LRCH1: variants seen among roughly 807,000 people sequenced by gnomAD.
The protein encoded by LRCH1 is leucine rich repeats and calponin homology domain containing 1.
Under a neutral mutation model 94.9 loss-of-function variants are expected in LRCH1, and 23 were observed. The ratio of observed to expected loss-of-function variants is 0.24; its 90% CI spans 0.17 to 0.34. The LOEUF (loss-of-function observed/expected upper bound fraction) is 0.34, where lower values mean the gene tolerates loss of function less well. LRCH1 is among the 10% of genes least tolerant of loss of function. LRCH1 has a pLI of 1.00. For missense variants in LRCH1, 790 were observed against 945.9 expected, an observed-to-expected ratio of 0.84 and a Z score of 2.16; for synonymous variants, 364 against 354.9, an observed-to-expected ratio of 1.03 and a Z score of -0.29.
At position 46,728,927 on chromosome 13, in the gene LRCH1, G is replaced by A. The variant is rs1872963299; in HGVS notation, c.1950G>A (p.Leu650=). ...ALMDGVVLCH[L]VNHIRPRSVA... is the part of the protein sequence containing the mutation. ...TGGATGGTGTCGTCCTCTGCCATCTGGTCAACCACATCCGCCCACGGTCGG... is the reference window on the plus strand; with the variant it reads ...TGGATGGTGTCGTCCTCTGCCATCTAGTCAACCACATCCGCCCACGGTCGG... The change falls in exon 18 of 20, where the codon CTG becomes CTA. Residue 650 remains leucine, a synonymous_variant. Coordinates refer to ENST00000389797, the MANE Select transcript of LRCH1 (RefSeq NM_001164211.2). 1 of 1,613,526 alleles carries A rather than the reference G, an allele frequency of 6.2e-7. No individual in the cohort carries two copies. Among genetic ancestry groups the A allele is most frequent in the African/African-American group, 1.3e-5 (1 of 74,876 alleles).
intron 1 of LRCH1, among the ~76,000 whole-genome samples, chr13:46,556,275 A>G (rs963561462): frequency 2.0e-5 from 3 of 152,218 alleles, no homozygotes; most frequent in Non-Finnish European, 4.4e-5. Flanking sequence ...CACCTGGGCA[A>G]TATAGCCCAT....
chr13:46,715,530 A>G (rs1297205552), intron 15 of LRCH1, 30 bp from the exon 16 acceptor site: 2 of 1,323,134 alleles, frequency 1.5e-6, no homozygotes, highest in African/African-American at 2.9e-5. Context: ...GTGCAACTGT[A>G]CGCGGACTGG....
At position 46,712,543 on chromosome 13, in the gene LRCH1, G is replaced by A; in HGVS notation, c.1600G>A (p.Ala534Thr). 1 of 1,613,722 alleles carries A rather than the reference G, an allele frequency of 6.2e-7. No individual in the cohort carries two copies. The change falls in exon 15 of 20, where the codon GCA becomes ACA. Residue 534 changes from alanine (A) to threonine (T), a missense_variant. Physicochemically the swap from Ala to Thr is moderately conservative, Grantham distance 58. This residue lies in a region of LRCH1 where 460 missense variants were observed against 508.9 expected (regional missense o/e 0.90). Transcript: ENST00000389797. ...SPNEIRENSP[A>T]VSPTTNSTAP... ...ACCACAGATTAGAGAGAACTCCCCT[G>A]CAGTCTCTCCTACCACAAACAGCAC...
At chr13:46,728,299 T>G (rs1205857311) in intron 17 of LRCH1, among the ~76,000 whole-genome samples, 1 of 152,048 alleles carries the variant, frequency 6.6e-6, no homozygotes, top group Non-Finnish European at 1.5e-5. Context: ...CACTGCAACC[T>G]CCGCCTCCTG....
intron 1 of LRCH1, among the ~76,000 whole-genome samples, chr13:46,587,943 T>G (rs1376613219): frequency 6.6e-6 from 1 of 152,202 alleles, no homozygotes; most frequent in African/African-American, 2.4e-5. Context: ...TGTGGTACCA[T>G]AGAGTATGTA....
intron 2 of LRCH1, among the ~76,000 whole-genome samples, chr13:46,663,444 G>A (rs1593334811): frequency 6.6e-6 from 1 of 152,138 alleles, no homozygotes; most frequent in African/African-American, 2.4e-5. Flanking sequence ...GGGGGAACCA[G>A]GGTGAGACAT....
intron 1 of LRCH1, among the ~76,000 whole-genome samples, chr13:46,567,784 G>A (rs1022800383): frequency 6.6e-6 from 1 of 152,098 alleles, no homozygotes; most frequent in Non-Finnish European, 1.5e-5. Flanking sequence ...TTCCTCCCCT[G>A]CACAGGCTAA....
chr13:46,689,956 G>A (rs1201511859), intron 7 of LRCH1, among the ~76,000 whole-genome samples: 1 of 151,914 alleles, frequency 6.6e-6, no homozygotes, highest in African/African-American at 2.4e-5. Context: ...TTCTTTTTTT[G>A]AGGGAAGTTA....
chr13:46,675,323 A>G (rs1199320696), intron 3 of LRCH1, among the ~76,000 whole-genome samples: 1 of 152,198 alleles, frequency 6.6e-6, no homozygotes, highest in Non-Finnish European at 1.5e-5. Flanking sequence ...GGTTCCCTGT[A>G]CATGGTGACA....
chr13:46,618,632 A>G (rs1224836211), intron 1 of LRCH1, among the ~76,000 whole-genome samples: 1 of 152,242 alleles, frequency 6.6e-6, no homozygotes, highest in East Asian at 1.9e-4. Flanking sequence ...ATTGGACGTT[A>G]CACTACAATG....
At chr13:46,559,804 T>G (rs986160721) in intron 1 of LRCH1, among the ~76,000 whole-genome samples, 1 of 152,202 alleles carries the variant, frequency 6.6e-6, no homozygotes, top group Admixed American at 6.5e-5. Flanking sequence ...TGATTTTTGG[T>G]AGGTGTTTGA....
intron 7 of LRCH1, among the ~76,000 whole-genome samples, chr13:46,691,630 G>A (rs1020987066): frequency 2.0e-5 from 3 of 152,232 alleles, no homozygotes; most frequent in Non-Finnish European, 4.4e-5. Context: ...CCTGTCACAT[G>A]GTGACAGCCA....
intron 1 of LRCH1, among the ~76,000 whole-genome samples, chr13:46,593,149 A>G (rs1335042818): frequency 6.6e-6 from 1 of 151,952 alleles, no homozygotes; most frequent in Non-Finnish European, 1.5e-5. Flanking sequence ...TGAATCATCA[A>G]AAAGTATTAA....
chr13:46,577,743 C>G (rs2050319821), intron 1 of LRCH1, among the ~76,000 whole-genome samples: 1 of 152,102 alleles, frequency 6.6e-6, no homozygotes, highest in South Asian at 2.1e-4. Context: ...AACTATAAGA[C>G]ATAAGCAGAC....
At chr13:46,611,839 A>T (rs1034971555) in intron 1 of LRCH1, among the ~76,000 whole-genome samples, 1 of 152,246 alleles carries the variant, frequency 6.6e-6, no homozygotes, top group Non-Finnish European at 1.5e-5. Context: ...TTGAAATTGC[A>T]TAGGTGGCTT....
At chr13:46,559,364 G>A (rs910651198) in intron 1 of LRCH1, among the ~76,000 whole-genome samples, 1 of 152,138 alleles carries the variant, frequency 6.6e-6, no homozygotes, top group Non-Finnish European at 1.5e-5. Flanking sequence ...TTTATTACAT[G>A]TATTCTAAAT....
chr13:46,622,372 C>T (rs538064405), intron 1 of LRCH1, among the ~76,000 whole-genome samples: 1 of 152,152 alleles, frequency 6.6e-6, no homozygotes, highest in Non-Finnish European at 1.5e-5. Flanking sequence ...GATTTTCATT[C>T]ACTTCAGCTT....
chr13:46,726,353 C>A (rs1410706625), intron 17 of LRCH1, among the ~76,000 whole-genome samples: 1 of 152,192 alleles, frequency 6.6e-6, no homozygotes, highest in African/African-American at 2.4e-5. Context: ...AGGGGACTTT[C>A]TTTTTGCCTC....
At chr13:46,615,030 G>C (rs944304271) in intron 1 of LRCH1, among the ~76,000 whole-genome samples, 1 of 152,178 alleles carries the variant, frequency 6.6e-6, no homozygotes, top group Non-Finnish European at 1.5e-5. Context: ...CCTCACTGAT[G>C]AATTAATTAG....
Sources: allele counts gnomAD v4.1 joint callset (sites outside exome capture counted in the v4.1 genomes callset), GRCh38; gene constraint gnomAD v4.1.1; regional missense constraint gnomAD v4.1.1; transcripts MANE v1.5; gene names NCBI Gene and HGNC (gene_info 2026-07-23, HGNC 2026-07-21).